The following FNBP1L variants were observed in gnomAD, a reference collection of about 807,000 sequenced individuals.
The protein encoded by FNBP1L is formin binding protein 1 like.
In FNBP1L, 36 loss-of-function variants were observed where a neutral mutation model predicts 91.2. That is an observed-to-expected ratio of 0.39 (90% CI 0.30 to 0.52). FNBP1L has a LOEUF of 0.52. FNBP1L is among the 20% of genes least tolerant of loss of function. FNBP1L has a pLI of 0.66. For synonymous variants in FNBP1L, 242 were observed against 237.0 expected, an observed-to-expected ratio of 1.02 and a Z score of -0.19; for missense variants, 571 against 732.1, an observed-to-expected ratio of 0.78 and a Z score of 2.54.
At position 93,489,765 on chromosome 1, in the gene FNBP1L, C is replaced by T. The variant is rs371602401; in HGVS notation, c.25-9703C>T. On this transcript the variant is annotated intron_variant, in intron 1 of 16. Coordinates refer to ENST00000271234, the MANE Select transcript of FNBP1L (RefSeq NM_001164473.3). ...ATTTTTTAAAAATTCTACAATATTTCTCAATTTTCTTTGAGGATAGACATG... is the reference window on the plus strand; with the variant it reads ...ATTTTTTAAAAATTCTACAATATTTTTCAATTTTCTTTGAGGATAGACATG... 4.1e-4 allele frequency among the ~76,000 whole-genome samples: 63 copies of T among 152,222 alleles called. 1 individual carries two copies. The South Asian group carries it at 4.6e-3, about 11-fold the overall frequency.
chr1:93,485,788 C>T (rs1669876286), intron 1 of FNBP1L, among the ~76,000 whole-genome samples: 1 of 152,152 alleles, frequency 6.6e-6, no homozygotes, highest in South Asian at 2.1e-4. Context: ...CCTCCGCCTC[C>T]CGGGTTCAAA....
intron 14 of FNBP1L, among the ~76,000 whole-genome samples, chr1:93,547,940 T>A (rs1672296083): frequency 6.6e-6 from 1 of 152,150 alleles, no homozygotes; most frequent in South Asian, 2.1e-4. Context: ...CAAATTAGGA[T>A]TCACCTTAGA....
chr1:93,489,490 A>T (rs1020008888), intron 1 of FNBP1L, among the ~76,000 whole-genome samples: 1 of 152,140 alleles, frequency 6.6e-6, no homozygotes, highest in Non-Finnish European at 1.5e-5. Context: ...AGTTATTGCT[A>T]TTGACAATGG....
intron 1 of FNBP1L, among the ~76,000 whole-genome samples, chr1:93,456,616 A>AG (rs1448396445): frequency 4.5e-4 from 68 of 149,636 alleles, no homozygotes; most frequent in African/African-American, 1.5e-3. Flanking sequence ...AAAAAAAAAA[A>AG]AAAAAAAGCA....
At chr1:93,549,907 G>C (rs541791718) in intron 15 of FNBP1L, among the ~76,000 whole-genome samples, 30 of 152,316 alleles carry the variant, frequency 2.0e-4, no homozygotes, top group African/African-American at 7.2e-4. Flanking sequence ...AAGTGGGAGA[G>C]AATGTAGTAG....
intron 5 of FNBP1L, among the ~76,000 whole-genome samples, chr1:93,525,768 A>T (rs1671472724): frequency 6.6e-6 from 1 of 152,230 alleles, no homozygotes. Context: ...GCTATAAAAA[A>T]AGGTGAGTTC....
At chr1:93,454,794 A>G (rs1352909088) in intron 1 of FNBP1L, among the ~76,000 whole-genome samples, 1 of 152,210 alleles carries the variant, frequency 6.6e-6, no homozygotes, top group Non-Finnish European at 1.5e-5. Context: ...CATAACAACT[A>G]TTTACACATA....
At chr1:93,498,713 G>T (rs1305143426) in intron 1 of FNBP1L, among the ~76,000 whole-genome samples, 1 of 152,188 alleles carries the variant, frequency 6.6e-6, no homozygotes, top group Non-Finnish European at 1.5e-5. Context: ...GGTTTCTGTG[G>T]CAGGAGGTGG....
chr1:93,533,621 T>C (rs949280429), intron 8 of FNBP1L, among the ~76,000 whole-genome samples: 2 of 152,132 alleles, frequency 1.3e-5, no homozygotes, highest in African/African-American at 2.4e-5. Context: ...TGGCAGAAAC[T>C]GAGGAAAGGC....
intron 2 of FNBP1L, among the ~76,000 whole-genome samples, chr1:93,507,711 C>T (rs1461552646): frequency 2.6e-5 from 4 of 152,074 alleles, no homozygotes; most frequent in Non-Finnish European, 4.4e-5. Flanking sequence ...TGAAGTGGTG[C>T]GATCTTGGCT....
At chr1:93,500,757 A>G (rs1017446415) in intron 2 of FNBP1L, among the ~76,000 whole-genome samples, 8 of 152,178 alleles carry the variant, frequency 5.3e-5, no homozygotes, top group African/African-American at 1.9e-4. Flanking sequence ...TAACCAACTG[A>G]CTGGATGTAG....
At chr1:93,494,214 T>C (rs1557790891) in intron 1 of FNBP1L, among the ~76,000 whole-genome samples, 1 of 152,174 alleles carries the variant, frequency 6.6e-6, no homozygotes, top group Non-Finnish European at 1.5e-5. Context: ...ACTGGTTTAT[T>C]ACAAAGGATA....
intron 1 of FNBP1L, among the ~76,000 whole-genome samples, chr1:93,462,498 T>C (rs1369221967): frequency 6.6e-6 from 1 of 152,134 alleles, no homozygotes; most frequent in Non-Finnish European, 1.5e-5. Context: ...TAATACCCCT[T>C]TTTTTGTTCC....
intron 16 of FNBP1L, chr1:93,551,793 T>C (rs550014135): frequency 1.0e-6 from 1 of 985,412 alleles, no homozygotes; most frequent in South Asian, 4.7e-5. Context: ...CAAAATATTT[T>C]GAGGTTAGCT....
chr1:93,534,122 ATGT>A (rs1262197845), intron 8 of FNBP1L, among the ~76,000 whole-genome samples: 1 of 152,112 alleles, frequency 6.6e-6, no homozygotes. Flanking sequence ...AAACTTTCAA[ATGT>A]TGTTTGCACT....
intron 1 of FNBP1L, among the ~76,000 whole-genome samples, chr1:93,451,700 G>T (rs1668500215): frequency 6.6e-6 from 1 of 151,992 alleles, no homozygotes; most frequent in African/African-American, 2.4e-5. Context: ...TGCCTAGCCT[G>T]GAGTGCAGTG....
chr1:93,458,029 G>T (rs1052351379), intron 1 of FNBP1L, among the ~76,000 whole-genome samples: 1 of 151,986 alleles, frequency 6.6e-6, no homozygotes, highest in African/African-American at 2.4e-5. Context: ...CTGACCTCAT[G>T]ATCTGCCGCC....
chr1:93,505,336 A>G (rs867742252), intron 2 of FNBP1L, among the ~76,000 whole-genome samples: 103 of 152,226 alleles, frequency 6.8e-4, no homozygotes, highest in African/African-American at 2.3e-3. Flanking sequence ...TACACCGAAC[A>G]AAGGAGACAG....
At chr1:93,455,950 T>C (rs1284338652) in intron 1 of FNBP1L, among the ~76,000 whole-genome samples, 2 of 152,240 alleles carry the variant, frequency 1.3e-5, no homozygotes, top group African/African-American at 4.8e-5. Context: ...TTTTATACTA[T>C]AGGGGGATGC....
Sources: gnomAD v4.1 joint callset for allele counts (sites outside exome capture counted in the v4.1 genomes callset) on GRCh38, gnomAD v4.1.1 for gene constraint, MANE v1.5 for transcripts, NCBI Gene and HGNC (gene_info 2026-07-23, HGNC 2026-07-21) for gene names.